The following KCNG2 variants were observed in gnomAD, a reference collection of about 807,000 sequenced individuals.
KCNG2 encodes voltage-gated potassium channel regulatory subunit KCNG2.
A neutral mutation model predicts 12.3 loss-of-function variants in KCNG2; 7 were observed. The ratio of observed to expected loss-of-function variants is 0.57; its 90% CI spans 0.32 to 1.07. The LOEUF (loss-of-function observed/expected upper bound fraction) is 1.07, where lower values mean the gene tolerates loss of function less well. KCNG2 is among the 50% of genes least tolerant of loss of function. The pLI, the probability that KCNG2 is intolerant of heterozygous loss-of-function variation, is 0.04. For synonymous variants in KCNG2, 414 were observed against 351.4 expected, an observed-to-expected ratio of 1.18 and a Z score of -1.99; for missense variants, 703 against 726.0, an observed-to-expected ratio of 0.97 and a Z score of 0.36.
At chr18:79,888,896 C>G (rs1038292268) in intron 3 of KCNG2, among the ~76,000 whole-genome samples, 2 of 152,040 alleles carry the variant, frequency 1.3e-5, no homozygotes, top group Non-Finnish European at 2.9e-5. Context: ...TCAGGCTGGT[C>G]TCGAACTCCT....
At chr18:79,807,904 C>T (rs1264441560) in intron 1 of KCNG2, among the ~76,000 whole-genome samples, 2 of 111,854 alleles carry the variant, frequency 1.8e-5, no homozygotes, top group African/African-American at 4.0e-5. Flanking sequence ...CTGCCGGGGC[C>T]GCGCTGACCA....
intron 3 of KCNG2, among the ~76,000 whole-genome samples, chr18:79,895,717 G>A (rs997327131): frequency 6.6e-6 from 1 of 151,480 alleles, no homozygotes; most frequent in Non-Finnish European, 1.5e-5. Flanking sequence ...TTTTGATTGG[G>A]TTGTTCACTC....
intron 3 of KCNG2, among the ~76,000 whole-genome samples, chr18:79,883,708 T>TA (rs1328226217): frequency 5.9e-5 from 9 of 152,276 alleles, no homozygotes; most frequent in South Asian, 2.1e-4. Context: ...GTCTGTCTGG[T>TA]AAAGGTGAGG....
chr18:79,872,402 C>T (rs1250814973), intron 3 of KCNG2, among the ~76,000 whole-genome samples: 1 of 150,360 alleles, frequency 6.7e-6, no homozygotes, highest in African/African-American at 2.5e-5. Context: ...TCTCCTGCCT[C>T]AGCCTCCCGA....
chr18:79,819,582 C>T (rs1177735345), intron 1 of KCNG2, among the ~76,000 whole-genome samples: 1 of 152,322 alleles, frequency 6.6e-6, no homozygotes, highest in Admixed American at 6.5e-5. Context: ...TGTGTGAGCC[C>T]CGTCCTCCCT....
chr18:79,867,959 A>G (rs1315948529), intron 3 of KCNG2, among the ~76,000 whole-genome samples: 1 of 152,118 alleles, frequency 6.6e-6, no homozygotes, highest in Admixed American at 6.5e-5. Context: ...TGACTTAAAT[A>G]CAGGTTTGGA....
intron 1 of KCNG2, among the ~76,000 whole-genome samples, chr18:79,848,675 T>TG (rs1432524911): frequency 6.6e-6 from 1 of 152,100 alleles, no homozygotes; most frequent in Non-Finnish European, 1.5e-5. Context: ...AGCAGCCGCG[T>TG]GGGGGAAGGA....
chr18:79,860,333 T>C (rs946584856), intron 2 of KCNG2, among the ~76,000 whole-genome samples: 4 of 152,230 alleles, frequency 2.6e-5, no homozygotes, highest in Admixed American at 2.0e-4. Flanking sequence ...GATTTTCATA[T>C]GGATTGGATT....
intron 2 of KCNG2, among the ~76,000 whole-genome samples, chr18:79,856,929 AG>A (rs1979029674): frequency 6.6e-6 from 1 of 151,052 alleles, no homozygotes; most frequent in South Asian, 2.1e-4. Flanking sequence ...TCTCCGCAGC[AG>A]GTTTCCATGA....
At chr18:79,831,662 C>G (rs1365960996) in intron 1 of KCNG2, among the ~76,000 whole-genome samples, 1 of 120,010 alleles carries the variant, frequency 8.3e-6, no homozygotes, top group Non-Finnish European at 1.6e-5. Context: ...GCGGACAGAG[C>G]CTTCGTCAGG....
chr18:79,863,545 G>A (rs917258203), intron 2 of KCNG2, 83 bp from the exon 3 acceptor site: 3 of 1,070,564 alleles, frequency 2.8e-6, no homozygotes, highest in Non-Finnish European at 3.5e-6. Flanking sequence ...GTTCGGTGCC[G>A]GCCCGGCCCC....
intron 1 of KCNG2, among the ~76,000 whole-genome samples, chr18:79,832,656 C>T (rs565413552): frequency 1.2e-4 from 18 of 152,176 alleles, no homozygotes; most frequent in Non-Finnish European, 1.9e-4. Flanking sequence ...GCAGATCATT[C>T]GCCCTGATTT....
At chr18:79,872,937 T>TG (rs1979907689) in intron 3 of KCNG2, among the ~76,000 whole-genome samples, 1 of 151,802 alleles carries the variant, frequency 6.6e-6, no homozygotes, top group Non-Finnish European at 1.5e-5. Context: ...GGAGGGTCTG[T>TG]GGGGTGGGGA....
intron 3 of KCNG2, among the ~76,000 whole-genome samples, chr18:79,891,319 C>CT (rs150000078): frequency 0.098 from 14,838 of 152,112 alleles, 928 homozygotes; most frequent in Middle Eastern, 0.15. Context: ...AAGCCACAAC[C>CT]TTTTAGACTC....
chr18:79,887,964 C>G (rs563438909), intron 3 of KCNG2, among the ~76,000 whole-genome samples: 128 of 152,328 alleles, frequency 8.4e-4, no homozygotes, highest in Non-Finnish European at 3.2e-4. Context: ...GTCTCGGGCT[C>G]ACAGGGTAAT....
chr18:79,867,246 C>T (rs1186115470), intron 3 of KCNG2, among the ~76,000 whole-genome samples: 1 of 151,820 alleles, frequency 6.6e-6, no homozygotes, highest in Non-Finnish European at 1.5e-5. Flanking sequence ...TCTTCCTGCC[C>T]CTGTCTTAGA....
intron 1 of KCNG2, among the ~76,000 whole-genome samples, chr18:79,855,642 TCTGGTACTGG>T (rs1414678721): frequency 6.6e-6 from 1 of 151,954 alleles, no homozygotes; most frequent in Non-Finnish European, 1.5e-5. Flanking sequence ...CTTGAAACCT[TCTGGTACTGG>T]CTGGTGGGTT....
At chr18:79,857,958 C>G (rs1191925800) in intron 2 of KCNG2, among the ~76,000 whole-genome samples, 2 of 152,106 alleles carry the variant, frequency 1.3e-5, no homozygotes, top group Non-Finnish European at 1.5e-5. Context: ...AACCCCCTTG[C>G]CGGCTTTCTG....
intron 3 of KCNG2, among the ~76,000 whole-genome samples, chr18:79,889,765 G>T (rs116119186): frequency 6.6e-6 from 1 of 152,168 alleles, no homozygotes; most frequent in African/African-American, 2.4e-5. Context: ...TGGAACATCC[G>T]GTACAGAGTC....
Sources: allele counts gnomAD v4.1 joint callset (sites outside exome capture counted in the v4.1 genomes callset), GRCh38; gene constraint gnomAD v4.1.1; transcripts MANE v1.5; gene names NCBI Gene and HGNC (gene_info 2026-07-23, HGNC 2026-07-21).